The following PCNX1 variants were observed in gnomAD, a reference collection of about 807,000 sequenced individuals.
PCNX1 encodes the protein pecanex-like protein 1.
Under a neutral mutation model 242.2 loss-of-function variants are expected in PCNX1, and 78 were observed. The observed-to-expected ratio is 0.32, with a 90% CI of 0.27 to 0.39. PCNX1 has a LOEUF of 0.39. Among genes scored for constraint, PCNX1 ranks in the 10% least tolerant of loss-of-function variants. The pLI is 1.00. For missense variants in PCNX1, 2,581 were observed against 2,856.5 expected, an observed-to-expected ratio of 0.90 and a Z score of 2.20; for synonymous variants, 1,024 against 1,032.9, an observed-to-expected ratio of 0.99 and a Z score of 0.17.
chr14:71,075,144 G>A (rs1169505031), intron 27 of PCNX1, among the ~76,000 whole-genome samples: 1 of 151,730 alleles, frequency 6.6e-6, no homozygotes, highest in Non-Finnish European at 1.5e-5. Flanking sequence ...ACAGGTGCAT[G>A]CCACCACACC....
rs963559812 is a variant in PCNX1 at position 71,035,887 on chromosome 14, G to T, written c.3775-178G>T. Among the ~76,000 whole-genome samples, 3 of 152,168 alleles carry T rather than the reference G, an allele frequency of 2.0e-5. No homozygotes were observed. The South Asian group carries it at 6.2e-4, about 32-fold the overall frequency. On this transcript the variant is annotated intron_variant, in intron 18 of 35. Coordinates refer to ENST00000304743, the MANE Select transcript of PCNX1 (RefSeq NM_014982.3). ...TTGTCCCACTGCACTCCATCTTAGA[G>T]AAAGAGAGACTCTAGAAGTGTTAAA... is the stretch of plus-strand genomic sequence containing the variant.
At chr14:70,954,674 A>C (rs1235860744) in intron 2 of PCNX1, among the ~76,000 whole-genome samples, 1 of 151,170 alleles carries the variant, frequency 6.6e-6, no homozygotes, top group Non-Finnish European at 1.5e-5. Context: ...ATCTTATTAA[A>C]CCCCCTTATT....
At chr14:71,089,640 C>T (rs1022539720) in intron 30 of PCNX1, among the ~76,000 whole-genome samples, 1 of 152,148 alleles carries the variant, frequency 6.6e-6, no homozygotes, top group South Asian at 2.1e-4. Flanking sequence ...AGAACTCACT[C>T]GCTATCATGA....
At position 71,033,511 on chromosome 14, in the gene PCNX1, G is replaced by A. The variant is rs201430424; in HGVS notation, c.3641G>A (p.Arg1214Gln). 9.4e-6 allele frequency: 15 copies of A among 1,593,290 alleles called. No individual in the cohort carries two copies. Among genetic ancestry groups the A allele is most frequent in the South Asian group, 3.3e-5 (3 of 90,502 alleles). ...GTGGCAGTGTCTTACCATCTCAGCC[G>A]ACAAAGCAGTGATCCATCTGTACTT... ...LLVAVSYHLS[R>Q]QSSDPSVLFS... Residue 1214 changes from arginine (R) to glutamine (Q), a missense_variant, in exon 17 of 36, where the codon CGA (arginine) becomes CAA (glutamine). By Grantham distance (43) the Arg-to-Gln change is conservative. Around this residue, in one of 9 missense-constraint regions of PCNX1, gnomAD observed 432 missense variants for 443.1 expected, o/e 0.97. Transcript: ENST00000304743.
chr14:70,960,077 G>T (rs1447741849), intron 2 of PCNX1, among the ~76,000 whole-genome samples: 7 of 97,988 alleles, frequency 7.1e-5, no homozygotes, highest in Non-Finnish European at 1.1e-4. Context: ...TGATGGGGTT[G>T]TTTGTTTTTT....
intron 26 of PCNX1, among the ~76,000 whole-genome samples, chr14:71,071,901 A>C (rs551975592): frequency 6.6e-6 from 1 of 152,288 alleles, no homozygotes; most frequent in Admixed American, 6.5e-5. Flanking sequence ...GCTATGTCTT[A>C]GGGAATGGGA....
chr14:70,988,430 A>C (rs1370149681), intron 6 of PCNX1, 137 bp from the exon 7 acceptor site: 9 of 668,296 alleles, frequency 1.3e-5, no homozygotes, highest in Non-Finnish European at 2.0e-5. Context: ...ATAGATTGAC[A>C]GTATACATGT....
chr14:71,047,765 G>C (rs771240534), intron 21 of PCNX1, 42 bp from the exon 22 acceptor site: 1 of 1,508,254 alleles, frequency 6.6e-7, no homozygotes, highest in Admixed American at 1.9e-5. Flanking sequence ...CTCTTCTAAT[G>C]TTTTCAGTCA....
chr14:71,034,647 A>T (rs1185082228), intron 18 of PCNX1, among the ~76,000 whole-genome samples: 2 of 152,206 alleles, frequency 1.3e-5, no homozygotes, highest in East Asian at 3.8e-4. Flanking sequence ...AATAAAACAA[A>T]ATCTTTTTCT....
chr14:70,995,097 T>A (rs1248745182), intron 7 of PCNX1, among the ~76,000 whole-genome samples: 3 of 152,232 alleles, frequency 2.0e-5, no homozygotes, highest in Non-Finnish European at 2.9e-5. Context: ...CAGAAAGATG[T>A]AAGCTTTTTA....
In PCNX1 at chr14:70,988,662, C is replaced by T. The variant is rs1282353078; in HGVS notation, c.2407C>T (p.Pro803Ser). The change falls in exon 7 of 36, where the codon CCT (proline) becomes TCT (serine). Residue 803 changes from proline (P) to serine (S), a missense_variant. Physicochemically the swap from Pro to Ser is moderately conservative, Grantham distance 74. Around this residue, in one of 9 missense-constraint regions of PCNX1, gnomAD observed 1,204 missense variants for 1,216.7 expected, o/e 0.99. Coordinates refer to ENST00000304743, the MANE Select transcript of PCNX1 (RefSeq NM_014982.3). The part of the protein sequence containing the change: ...VRRRHNAGSN[P>S]TPPTLLIGSP... ...GCGCCGGCACAATGCAGGGAGTAAC[C>T]CTACCCCTCCTACATTGCTCATCGG... 1.9e-6 allele frequency: 3 copies of T among 1,613,954 alleles called. No homozygotes were observed. The highest frequency in any genetic ancestry group is 1.1e-5 in the South Asian group (1 of 91,074).
intron 1 of PCNX1, among the ~76,000 whole-genome samples, chr14:70,931,862 G>A (rs920500486): frequency 3.3e-5 from 5 of 152,212 alleles, no homozygotes; most frequent in African/African-American, 1.2e-4. Flanking sequence ...GGTGGCTCAC[G>A]CCTGTAATCC....
intron 33 of PCNX1, among the ~76,000 whole-genome samples, chr14:71,107,267 A>G (rs904675338): frequency 1.3e-5 from 2 of 152,112 alleles, no homozygotes; most frequent in Admixed American, 6.5e-5. Flanking sequence ...TATATTTTCA[A>G]TGGGATTCAA....
At chr14:71,098,655 G>A (rs893176006) in intron 30 of PCNX1, among the ~76,000 whole-genome samples, 1 of 152,030 alleles carries the variant, frequency 6.6e-6, no homozygotes, top group Non-Finnish European at 1.5e-5. Flanking sequence ...TTAGTATGCT[G>A]ATTTTGTATG....
intron 6 of PCNX1, among the ~76,000 whole-genome samples, chr14:70,984,233 A>T (rs2058929913): frequency 2.0e-5 from 3 of 151,316 alleles, no homozygotes. Flanking sequence ...AACATTTCTC[A>T]CTGGAAAGAA....
intron 16 of PCNX1, chr14:71,031,610 G>C: frequency 1.7e-6 from 1 of 578,784 alleles, no homozygotes; most frequent in Non-Finnish European, 3.2e-6. Flanking sequence ...ATAGACTTAG[G>C]CAGCCCAGCT....
At chr14:70,940,990 C>A (rs1473575508) in intron 1 of PCNX1, among the ~76,000 whole-genome samples, 2 of 152,122 alleles carry the variant, frequency 1.3e-5, no homozygotes, top group Non-Finnish European at 2.9e-5. Context: ...CATTTAAGGT[C>A]TTCTCTACAT....
intron 26 of PCNX1, among the ~76,000 whole-genome samples, chr14:71,065,007 C>G (rs1404727894): frequency 1.3e-5 from 2 of 152,160 alleles, no homozygotes; most frequent in African/African-American, 4.8e-5. Flanking sequence ...TTTTCTTTAT[C>G]CAGTCTATCA....
intron 6 of PCNX1, among the ~76,000 whole-genome samples, chr14:70,984,801 G>T (rs539701883): frequency 1.2e-4 from 19 of 152,256 alleles, no homozygotes; most frequent in African/African-American, 4.3e-4. Flanking sequence ...TGCTCTTTGG[G>T]CATCCCAGCT....
Sources: gnomAD v4.1 joint callset for allele counts (sites outside exome capture counted in the v4.1 genomes callset) on GRCh38, gnomAD v4.1.1 for gene constraint, gnomAD v4.1.1 regional missense constraint, MANE v1.5 for transcripts, NCBI Gene and HGNC (gene_info 2026-07-23, HGNC 2026-07-21) for gene names.